The following POLN variants were observed in gnomAD, a reference collection of about 807,000 sequenced individuals.
POLN encodes DNA polymerase N.
In POLN, 108 loss-of-function variants were observed where a neutral mutation model predicts 113.5. The ratio of observed to expected loss-of-function variants is 0.95; its 90% confidence interval spans 0.81 to 1.12. POLN has a LOEUF of 1.12. Ranked by LOEUF, POLN falls within the 50% of genes most tolerant of loss-of-function variation. POLN has a pLI of 0.00. For missense variants in POLN, 1,097 were observed against 1,077.1 expected, an observed-to-expected ratio of 1.02 and a Z score of -0.26; for synonymous variants, 386 against 391.5, an observed-to-expected ratio of 0.99 and a Z score of 0.17.
intron 3 of POLN, chr4:2,227,379 G>A (rs1734424983): frequency 1.3e-5 from 2 of 152,174 alleles, no homozygotes; most frequent in African/African-American, 4.8e-5. Flanking sequence ...ACCAGACCTG[G>A]CTGACACCTG....
At chr4:2,240,975 C>G in intron 2 of POLN, 1 of 1,518,008 alleles carries the variant, frequency 6.6e-7, no homozygotes, top group East Asian at 2.2e-5. Flanking sequence ...TTTGTTGTAT[C>G]TGATATGGGT....
intron 20 of POLN, among the ~76,000 whole-genome samples, chr4:2,087,747 C>T (rs2108693816): frequency 6.6e-6 from 1 of 152,076 alleles, no homozygotes; most frequent in Middle Eastern, 3.4e-3. Flanking sequence ...CTGTTTCTTC[C>T]TGTTTAGGAA....
chr4:2,082,615 CTGAGGA>C (rs1358325575), intron 21 of POLN: 1 of 152,214 alleles, frequency 6.6e-6, no homozygotes, highest in African/African-American at 2.4e-5. Flanking sequence ...CCACTTGTGA[CTGAGGA>C]TGAGAAGAAT....
intron 24 of POLN, 57 bp downstream of exon 24, chr4:2,075,395 G>A: frequency 1.9e-6 from 3 of 1,576,954 alleles, no homozygotes; most frequent in Non-Finnish European, 2.6e-6. Flanking sequence ...CATGGGGCAT[G>A]GAGCCTCCTC....
rs763366300 is a variant in POLN at position 2,176,319 on chromosome 4, C to CA, written c.1194dup (p.Glu399Ter). 3.9e-5 allele frequency: 62 copies of CA among 1,597,264 alleles called. No homozygotes were observed. In the East Asian group the frequency reaches 1.4e-3, roughly 36 times the overall value. ...AGTCTGTAGAGTGTCTTCAGGTTCT[C>CA]ACGTACATTCTGATTCTTTAAAAGA... On this transcript the variant is annotated frameshift_variant, in exon 9 of 26. Coordinates refer to ENST00000511885, the MANE Select transcript of POLN (RefSeq NM_181808.4). LOFTEE classifies it high-confidence loss of function.
At position 2,229,238 on chromosome 4, in the gene POLN, A is replaced by G; in HGVS notation, c.-7T>C. ...ATGCCTCATAATTTTCCATTTTCAC[A>G]AAATCCTAAATGTAAGATTAACATA... On this transcript the variant is annotated 5_prime_UTR_variant, in exon 3 of 26. Coordinates refer to ENST00000511885, the MANE Select transcript of POLN (RefSeq NM_181808.4). 4 of 1,590,028 alleles carry G rather than the reference A, an allele frequency of 2.5e-6. No homozygotes were observed. The highest frequency in any genetic ancestry group is 2.6e-6 in the Non-Finnish European group (3 of 1,167,182).
At chr4:2,099,884 A>G (rs1186722771) in intron 19 of POLN, among the ~76,000 whole-genome samples, 1 of 152,108 alleles carries the variant, frequency 6.6e-6, no homozygotes, top group African/African-American at 2.4e-5. Context: ...CCTGGGCAAC[A>G]TGATGAAACC....
intron 16 of POLN, among the ~76,000 whole-genome samples, chr4:2,153,376 TG>T (rs1399613955): frequency 6.6e-6 from 1 of 152,002 alleles, no homozygotes; most frequent in Non-Finnish European, 1.5e-5. Context: ...GGTATGTAGG[TG>T]TGAGAGAAGT....
At chr4:2,173,835 C>CTG in intron 11 of POLN, 120 bp downstream of exon 11, 2 of 976,984 alleles carry the variant, frequency 2.0e-6, no homozygotes, top group Admixed American at 1.9e-5. Flanking sequence ...GGGAGAAACA[C>CTG]TGTCAACACC....
intron 21 of POLN, among the ~76,000 whole-genome samples, chr4:2,082,321 G>GAA (rs1730440897): frequency 6.6e-6 from 1 of 152,150 alleles, no homozygotes; most frequent in Admixed American, 6.5e-5. Context: ...CACAGGACGA[G>GAA]GGAGGGCAGC....
chr4:2,241,936 G>A, intron 1 of POLN, 115 bp downstream of exon 1: 4 of 985,560 alleles, frequency 4.1e-6, no homozygotes, highest in Non-Finnish European at 3.6e-6. Context: ...GGAGCACCTG[G>A]AAGGAGCCCC....
At position 2,131,176 on chromosome 4, in the gene POLN, C is replaced by A. The variant is rs1278168858; in HGVS notation, c.1789+57G>T. On this transcript the variant is annotated intron_variant, in intron 17 of 25. Coordinates refer to ENST00000511885, the MANE Select transcript of POLN (RefSeq NM_181808.4). ...CTCTAGCCTGGGTGACAGAGTGACA[C>A]CCTATCTCAAAAGAGAGTTACCAGA... 5 of 1,261,190 alleles carry A rather than the reference C, an allele frequency of 4.0e-6. No homozygotes were observed. In the East Asian group the frequency reaches 9.5e-5, roughly 24 times the overall value. 78.1% of individuals were successfully genotyped at this position (1,261,190 alleles called of 1,614,324 possible). A position where few individuals can be genotyped will look rare whatever the true frequency, so the allele number is the denominator to read the frequency against.
At chr4:2,099,087 C>G (rs746463937) in intron 19 of POLN, among the ~76,000 whole-genome samples, 1 of 152,180 alleles carries the variant, frequency 6.6e-6, no homozygotes, top group Non-Finnish European at 1.5e-5. Context: ...TGAATCCATA[C>G]GAATTTGGAT....
chr4:2,216,689 C>CA (rs1435311109), intron 3 of POLN, among the ~76,000 whole-genome samples: 4 of 152,230 alleles, frequency 2.6e-5, no homozygotes, highest in Admixed American at 6.5e-5. Flanking sequence ...ATGGGAAAGG[C>CA]AAACCCATGC....
At chr4:2,145,203 A>C (rs987263850) in intron 16 of POLN, among the ~76,000 whole-genome samples, 2 of 152,188 alleles carry the variant, frequency 1.3e-5, no homozygotes, top group African/African-American at 4.8e-5. Context: ...AACACATTAT[A>C]GGCGAAAAAA....
intron 17 of POLN, among the ~76,000 whole-genome samples, chr4:2,130,643 T>C (rs1282564703): frequency 6.6e-6 from 1 of 152,156 alleles, no homozygotes; most frequent in Non-Finnish European, 1.5e-5. Flanking sequence ...ACCAGTGCTA[T>C]TATATGTTTG....
chr4:2,094,469 T>A (rs1217600182), intron 20 of POLN, among the ~76,000 whole-genome samples: 2 of 151,626 alleles, frequency 1.3e-5, no homozygotes, highest in Non-Finnish European at 2.9e-5. Context: ...CTGCAGCCCC[T>A]GCAGGGGACC....
chr4:2,090,027 G>C, intron 20 of POLN: 1 of 887,996 alleles, frequency 1.1e-6, no homozygotes, highest in Non-Finnish European at 1.8e-6. Flanking sequence ...GGAGTAAACA[G>C]TGACTTGGAA....
chr4:2,087,043 A>G (rs990724600), intron 20 of POLN, among the ~76,000 whole-genome samples: 41 of 152,206 alleles, frequency 2.7e-4, no homozygotes, highest in South Asian at 4.1e-4. Context: ...TTCAAGTCTT[A>G]GGAGAGTGAA....
Sources: gnomAD v4.1 joint callset for allele counts (sites outside exome capture counted in the v4.1 genomes callset) on GRCh38, gnomAD v4.1.1 for gene constraint, MANE v1.5 for transcripts, NCBI Gene and HGNC (gene_info 2026-07-23, HGNC 2026-07-21) for gene names.